Variants in PIK3C2G observed in about 807,000 individuals in gnomAD.
The protein encoded by PIK3C2G is phosphatidylinositol 3-kinase C2 domain-containing subunit gamma.
Under a neutral mutation model 181.1 loss-of-function variants are expected in PIK3C2G, and 168 were observed. The ratio of observed to expected loss-of-function variants is 0.93; its 90% CI spans 0.82 to 1.05. The LOEUF (loss-of-function observed/expected upper bound fraction) is 1.05. PIK3C2G is among the 50% of genes least tolerant of loss of function. The pLI is 0.00. For missense variants in PIK3C2G, 1,869 were observed against 1,732.8 expected (o/e 1.08, Z -1.40); for synonymous variants, 573 against 592.2 (o/e 0.97, Z 0.47).
chr12:18,678,122 G>A, the PIK3C2G span, among the ~76,000 whole-genome samples: 13 of 152,034 alleles, frequency 8.6e-5, no homozygotes, highest in Admixed American at 7.2e-4. Context: ...ACAGAGTCTA[G>A]AACAGTGCTT....
chr12:18,343,479 A>G (rs894616279), intron 10 of PIK3C2G, 119 bp downstream of exon 10: 3 of 478,544 alleles, frequency 6.3e-6, no homozygotes, highest in African/African-American at 6.1e-5. Flanking sequence ...ACACACACAC[A>G]CACACACACA....
chr12:18,511,801 A>G (rs1200062916), intron 24 of PIK3C2G, among the ~76,000 whole-genome samples: 1 of 151,836 alleles, frequency 6.6e-6, no homozygotes, highest in African/African-American at 2.4e-5. Flanking sequence ...TCCTTTACTG[A>G]GTAGAAGTGT....
the PIK3C2G span, among the ~76,000 whole-genome samples, chr12:18,705,728 T>C: frequency 6.6e-6 from 1 of 150,462 alleles, no homozygotes; most frequent in East Asian, 2.0e-4. Context: ...TAGCCAGGTG[T>C]GGTAGTGTGT....
chr12:18,548,786 C>T (rs1240433060), intron 26 of PIK3C2G, among the ~76,000 whole-genome samples: 1 of 152,008 alleles, frequency 6.6e-6, no homozygotes, highest in Non-Finnish European at 1.5e-5. Flanking sequence ...ATTATGGAAA[C>T]TAGGACACAT....
intron 18 of PIK3C2G, among the ~76,000 whole-genome samples, chr12:18,483,184 T>C (rs935443910): frequency 2.0e-5 from 3 of 152,198 alleles, no homozygotes; most frequent in Non-Finnish European, 2.9e-5. Flanking sequence ...CCGAAGTTTT[T>C]AGTTCCTAAG....
At chr12:18,505,631 A>G (rs187387062) in intron 24 of PIK3C2G, among the ~76,000 whole-genome samples, 170 bp downstream of exon 24, 232 of 152,314 alleles carry the variant, frequency 1.5e-3, no homozygotes, top group African/African-American at 5.4e-3. Context: ...TTTAAAGTAG[A>G]TTTTTAATGC....
intron 24 of PIK3C2G, among the ~76,000 whole-genome samples, chr12:18,521,539 C>T (rs1318691862): frequency 6.6e-6 from 1 of 152,208 alleles, no homozygotes; most frequent in Non-Finnish European, 1.5e-5. Context: ...CACAGTCTGC[C>T]ATAGCTTGTG....
chr12:18,465,585 G>A (rs1205853984), intron 18 of PIK3C2G, among the ~76,000 whole-genome samples: 1 of 151,716 alleles, frequency 6.6e-6, no homozygotes, highest in Non-Finnish European at 1.5e-5. Flanking sequence ...ACTCTAGGTT[G>A]GCTGTTGTTT....
At chr12:18,294,292 G>A (rs1421266569) in intron 5 of PIK3C2G, among the ~76,000 whole-genome samples, 1 of 152,028 alleles carries the variant, frequency 6.6e-6, no homozygotes, top group Non-Finnish European at 1.5e-5. Flanking sequence ...CCCTCAGGAT[G>A]TAGGAATTTC....
chr12:18,719,527 G>A, the PIK3C2G span: 3 of 1,591,742 alleles, frequency 1.9e-6, no homozygotes, highest in African/African-American at 2.7e-5. Flanking sequence ...TAATGGATGA[G>A]TCATATCTTG....
At chr12:18,521,917 A>G (rs1423929681) in intron 24 of PIK3C2G, among the ~76,000 whole-genome samples, 1 of 152,226 alleles carries the variant, frequency 6.6e-6, no homozygotes, top group African/African-American at 2.4e-5. Flanking sequence ...TGGGTTGCAC[A>G]GTTCCATGGA....
intron 29 of PIK3C2G, among the ~76,000 whole-genome samples, chr12:18,594,151 C>A (rs191627887): frequency 2.4e-4 from 37 of 151,836 alleles, no homozygotes; most frequent in Non-Finnish European, 5.0e-4. Context: ...AAAGGCCATC[C>A]AAGGATACAC....
chr12:18,350,286 G>A (rs1208126008), intron 11 of PIK3C2G, among the ~76,000 whole-genome samples: 2 of 151,992 alleles, frequency 1.3e-5, no homozygotes, highest in Admixed American at 6.6e-5. Flanking sequence ...TTATAAGTAA[G>A]TCAGTAAACA....
At chr12:18,553,352 G>A (rs1454397294) in intron 26 of PIK3C2G, among the ~76,000 whole-genome samples, 1 of 151,926 alleles carries the variant, frequency 6.6e-6, no homozygotes, top group African/African-American at 2.4e-5. Context: ...TCATTTCACT[G>A]GCATATCACT....
chr12:18,713,139 G>C, the PIK3C2G span, among the ~76,000 whole-genome samples: 10 of 152,072 alleles, frequency 6.6e-5, no homozygotes, highest in African/African-American at 2.4e-4. Context: ...GACAAGTTTT[G>C]AGTCTCTAGA....
chr12:18,561,878 C>CT (rs1945363521), intron 26 of PIK3C2G, among the ~76,000 whole-genome samples: 1 of 151,076 alleles, frequency 6.6e-6, no homozygotes, highest in Admixed American at 6.6e-5. Context: ...AGTATGCTAC[C>CT]TTTTTTAAAG....
At chr12:18,360,865 T>G (rs1941175042) in intron 11 of PIK3C2G, among the ~76,000 whole-genome samples, 1 of 152,196 alleles carries the variant, frequency 6.6e-6, no homozygotes, top group Non-Finnish European at 1.5e-5. Context: ...GGCTTCTTCA[T>G]AGTTGGCATC....
At chr12:18,391,974 G>A (rs371333012) in intron 15 of PIK3C2G, among the ~76,000 whole-genome samples, 56 of 152,174 alleles carry the variant, frequency 3.7e-4, no homozygotes, top group South Asian at 1.7e-3. Flanking sequence ...TTTTAAACAA[G>A]GGAATCATGT....
chr12:18,431,037 G>T (rs1008354475), intron 18 of PIK3C2G, among the ~76,000 whole-genome samples: 1 of 151,876 alleles, frequency 6.6e-6, no homozygotes, highest in African/African-American at 2.4e-5. Context: ...AAAGCAAAAA[G>T]ATGTGGAAAT....
Sources: allele counts gnomAD v4.1 joint callset (sites outside exome capture counted in the v4.1 genomes callset), GRCh38; gene constraint gnomAD v4.1.1; transcripts MANE v1.5; gene names NCBI Gene and HGNC (gene_info 2026-07-23, HGNC 2026-07-21).